The following NCKAP5 variants were observed in gnomAD, a reference collection of about 807,000 sequenced individuals.
NCKAP5 encodes NCK associated protein 5.
Under a neutral mutation model 167.0 loss-of-function variants are expected in NCKAP5, and 92 were observed. The ratio of observed to expected loss-of-function variants is 0.55; its 90% confidence interval spans 0.47 to 0.66. NCKAP5 has a LOEUF of 0.66. NCKAP5 is among the 30% of genes least tolerant of loss of function. The pLI, the probability that NCKAP5 is intolerant of heterozygous loss-of-function variation, is 0.00. For missense variants in NCKAP5, 2,378 were observed against 2,315.0 expected (o/e 1.03, Z -0.56); for synonymous variants, 891 against 877.4 (o/e 1.02, Z -0.27).
intron 8 of NCKAP5, among the ~76,000 whole-genome samples, chr2:132,903,335 A>G (rs989708669): frequency 2.6e-5 from 4 of 152,264 alleles, no homozygotes; most frequent in Admixed American, 6.5e-5. Context: ...GACAGCACAG[A>G]TAGAGAACAT....
At chr2:133,633,285 A>G in the NCKAP5 span, among the ~76,000 whole-genome samples, 2 of 152,206 alleles carry the variant, frequency 1.3e-5, no homozygotes, top group African/African-American at 4.8e-5. Context: ...GCCTTTGTCA[A>G]TCAACTATGG....
intron 11 of NCKAP5, among the ~76,000 whole-genome samples, chr2:132,841,668 T>C (rs1235106229): frequency 6.6e-6 from 1 of 152,140 alleles, no homozygotes; most frequent in Non-Finnish European, 1.5e-5. Flanking sequence ...TACTCTATTA[T>C]ACTTAATTGG....
At chr2:133,049,175 T>C (rs1286089298) in intron 6 of NCKAP5, among the ~76,000 whole-genome samples, 1 of 152,182 alleles carries the variant, frequency 6.6e-6, no homozygotes, top group African/African-American at 2.4e-5. Flanking sequence ...CTGTACTTGC[T>C]GCAAAAACAC....
rs1264092531 is a variant in NCKAP5 at position 132,709,706 on chromosome 2, AC to A, written c.5713+15920del. 1.6e-4 allele frequency among the ~76,000 whole-genome samples: 25 copies of A among 152,108 alleles called. No homozygotes were observed. The East Asian group carries it at 4.8e-3, about 29-fold the overall frequency. On this transcript the variant is annotated intron_variant, in intron 19 of 19. Transcript: ENST00000409261. ...AATAAACTATTAATAAAAGTCACTA[AC>A]CATCTGCCTACAAACAAAACATCAA...
intron 3 of NCKAP5, among the ~76,000 whole-genome samples, chr2:133,464,136 T>A (rs1335501991): frequency 6.6e-6 from 1 of 152,118 alleles, no homozygotes; most frequent in East Asian, 1.9e-4. Context: ...TATATATGAG[T>A]CCTCTGGGCT....
chr2:132,677,180 G>A (rs979579807), intron 19 of NCKAP5, among the ~76,000 whole-genome samples: 1 of 151,940 alleles, frequency 6.6e-6, no homozygotes, highest in South Asian at 2.1e-4. Flanking sequence ...TCACCTATAG[G>A]TGGCAACAGT....
At chr2:133,244,621 A>C (rs1313101712) in intron 4 of NCKAP5, among the ~76,000 whole-genome samples, 1 of 152,154 alleles carries the variant, frequency 6.6e-6, no homozygotes, top group Admixed American at 6.5e-5. Flanking sequence ...ATATATTTAA[A>C]AAAACAGGCC....
At chr2:132,691,006 C>T (rs912201230) in intron 19 of NCKAP5, among the ~76,000 whole-genome samples, 2 of 152,172 alleles carry the variant, frequency 1.3e-5, no homozygotes, top group African/African-American at 4.8e-5. Context: ...ATGACTGTCT[C>T]CTGTTGAGTA....
chr2:133,407,628 C>A (rs531051284), intron 3 of NCKAP5, among the ~76,000 whole-genome samples: 262 of 152,272 alleles, frequency 1.7e-3, no homozygotes, highest in African/African-American at 5.5e-3. Flanking sequence ...CCTCAGGCTC[C>A]CAAGCTGGCT....
At chr2:133,210,204 A>G (rs868790903) in intron 5 of NCKAP5, among the ~76,000 whole-genome samples, 7 of 148,782 alleles carry the variant, frequency 4.7e-5, no homozygotes, top group Middle Eastern at 7.1e-3. Context: ...ATAACATAAT[A>G]TAATGTAATG....
At chr2:132,800,530 T>A (rs968356859) in intron 11 of NCKAP5, among the ~76,000 whole-genome samples, 4 of 152,182 alleles carry the variant, frequency 2.6e-5, no homozygotes, top group Non-Finnish European at 5.9e-5. Context: ...GGGATCTTTT[T>A]ACTCATATGC....
At chr2:133,204,414 A>G (rs755653971) in intron 5 of NCKAP5, among the ~76,000 whole-genome samples, 2 of 152,162 alleles carry the variant, frequency 1.3e-5, no homozygotes, top group East Asian at 1.9e-4. Context: ...TGTTATTTCC[A>G]TACATGTTAG....
intron 3 of NCKAP5, among the ~76,000 whole-genome samples, chr2:133,363,009 G>A (rs1312679198): frequency 9.2e-5 from 14 of 151,394 alleles, no homozygotes; most frequent in African/African-American, 2.9e-4. Context: ...CCTGTGATCC[G>A]CCCGCCTCGG....
At chr2:133,483,631 G>A (rs532430071) in intron 3 of NCKAP5, among the ~76,000 whole-genome samples, 2 of 151,114 alleles carry the variant, frequency 1.3e-5, no homozygotes, top group African/African-American at 4.9e-5. Flanking sequence ...AAAAAAAGGG[G>A]GGGGGGCTTT....
chr2:132,743,489 G>A (rs1335075714), intron 16 of NCKAP5, among the ~76,000 whole-genome samples: 3 of 151,590 alleles, frequency 2.0e-5, no homozygotes, highest in African/African-American at 4.8e-5. Flanking sequence ...AAGTAACAAT[G>A]TAATAAAATT....
At chr2:133,245,641 T>A (rs1188878659) in intron 4 of NCKAP5, among the ~76,000 whole-genome samples, 3 of 152,108 alleles carry the variant, frequency 2.0e-5, no homozygotes, top group Admixed American at 6.5e-5. Context: ...AATTTTTTTT[T>A]AATTAAAGGC....
At chr2:133,044,391 C>T (rs1013364363) in intron 6 of NCKAP5, among the ~76,000 whole-genome samples, 2 of 152,016 alleles carry the variant, frequency 1.3e-5, no homozygotes, top group African/African-American at 4.8e-5. Context: ...ACCCAACAAA[C>T]AATCCAAGGA....
rs1690132406 is a variant in NCKAP5 at position 132,723,330 on chromosome 2, ATTTT to A, written c.5713+2293_5713+2296del. On this transcript the variant is annotated intron_variant, in intron 19 of 19. Coordinates refer to ENST00000409261, the MANE Select transcript of NCKAP5 (RefSeq NM_207363.3). Reference sequence around the variant, plus strand: ...AGGCGCCTGTCACCACGCCAGGCTAATTTTTGTATTTTTAGTAGAGACGGGGTTT... The same window carrying A: ...AGGCGCCTGTCACCACGCCAGGCTAATGTATTTTTAGTAGAGACGGGGTTT... 1.4e-4 allele frequency among the ~76,000 whole-genome samples: 21 copies of A among 151,432 alleles called. No individual in the cohort carries two copies. In the South Asian group the frequency reaches 4.2e-3, roughly 30 times the overall value.
chr2:133,025,532 C>T (rs2078667389), intron 6 of NCKAP5, among the ~76,000 whole-genome samples: 1 of 152,134 alleles, frequency 6.6e-6, no homozygotes, highest in African/African-American at 2.4e-5. Flanking sequence ...TCAAAAGTTA[C>T]TGTTGGGTGC....
Sources: gnomAD v4.1 joint callset for allele counts (sites outside exome capture counted in the v4.1 genomes callset) on GRCh38, gnomAD v4.1.1 for gene constraint, MANE v1.5 for transcripts, NCBI Gene and HGNC (gene_info 2026-07-23, HGNC 2026-07-21) for gene names.